ZDHHC14: variants seen among roughly 807,000 people sequenced by gnomAD.
The protein encoded by ZDHHC14 is palmitoyltransferase ZDHHC14.
In ZDHHC14, 16 loss-of-function variants were observed where a neutral mutation model predicts 47.7. The ratio of observed to expected loss-of-function variants is 0.34; its 90% CI spans 0.23 to 0.51. The LOEUF is 0.51. Among genes scored for constraint, ZDHHC14 ranks in the 20% least tolerant of loss-of-function variants. The pLI, the probability that ZDHHC14 is intolerant of heterozygous loss-of-function variation, is 0.97. For synonymous variants in ZDHHC14, 293 were observed against 278.9 expected, an observed-to-expected ratio of 1.05 and a Z score of -0.50; for missense variants, 515 against 662.5, an observed-to-expected ratio of 0.78 and a Z score of 2.44.
At chr6:157,383,404 C>T (rs1184945748) in intron 1 of ZDHHC14, among the ~76,000 whole-genome samples, 1 of 152,126 alleles carries the variant, frequency 6.6e-6, no homozygotes, top group East Asian at 1.9e-4. Flanking sequence ...TGGGTAGGCT[C>T]AATTAAAACC....
rs559756851 is a variant in ZDHHC14, at chr6:157,672,607, G to C, written c.1069-117G>C. 12 of 1,141,074 alleles carry C rather than the reference G, an allele frequency of 1.1e-5. No homozygotes were observed. The Admixed American group carries it at 3.2e-4, about 30-fold the overall frequency. The allele number at this position is 1,141,074 out of a possible 1,614,324, so 70.7% of individuals were successfully genotyped here. ...CCTGGCTGACTGAGGTGTCACTAACGGTTTCTCTCTTCTCGCACCCCACCC... is the reference window on the plus strand; with the variant it reads ...CCTGGCTGACTGAGGTGTCACTAACCGTTTCTCTCTTCTCGCACCCCACCC... On this transcript the variant is annotated intron_variant, in intron 8 of 8. Coordinates refer to ENST00000359775, the MANE Select transcript of ZDHHC14 (RefSeq NM_024630.3).
chr6:157,650,649 AAAAG>A (rs759961516), intron 7 of ZDHHC14, among the ~76,000 whole-genome samples: 22 of 128,656 alleles, frequency 1.7e-4, no homozygotes, highest in African/African-American at 2.6e-4. Flanking sequence ...CATTAAAAAA[AAAAG>A]AGAGAGAGAG....
At position 157,536,964 on chromosome 6, in the gene ZDHHC14, G is replaced by A. The variant is rs1291802578; in HGVS notation, c.246-5621G>A. ...CTCCCAAGTAGCTGGGACTACAGGC[G>A]CCCGCCACTACGCCCGGCTAATTTT... is the stretch of plus-strand genomic sequence containing the variant. On this transcript the variant is annotated intron_variant, in intron 1 of 8. Transcript: ENST00000359775. Among the ~76,000 whole-genome samples the A allele has an allele frequency of 2.8e-5, 3 of 105,938 alleles. 1 individual carries two copies. The highest frequency in any genetic ancestry group is 5.9e-5 in the Non-Finnish European group (3 of 50,546). The allele number at this position is 105,938 out of a possible 152,430, so 69.5% of individuals were successfully genotyped here.
rs534894797 is a variant in ZDHHC14 at position 157,674,842 on chromosome 6, T to C, written c.*1720T>C. On this transcript the variant is annotated 3_prime_UTR_variant, in exon 9 of 9. Transcript: ENST00000359775. ...TGTGATGTCTTCGAGCCATCTTTAT[T>C]GTCATGCTGCATGCACGTATAGAAA... is the stretch of plus-strand genomic sequence containing the variant. 2.6e-5 allele frequency: 4 copies of C among 152,370 alleles called. No homozygotes were observed. In the East Asian group the frequency reaches 7.7e-4, roughly 29 times the overall value. The allele number at this position is 152,370 out of a possible 1,614,324, so 9.4% of individuals were successfully genotyped here.
At chr6:157,568,007 T>G (rs1026838035) in intron 2 of ZDHHC14, among the ~76,000 whole-genome samples, 1 of 152,050 alleles carries the variant, frequency 6.6e-6, no homozygotes, top group Non-Finnish European at 1.5e-5. Context: ...AGCTTCAGAG[T>G]GAAGTAAGAA....
intron 3 of ZDHHC14, among the ~76,000 whole-genome samples, chr6:157,614,778 GT>G (rs1188906760): frequency 3.6e-5 from 5 of 137,872 alleles, no homozygotes; most frequent in South Asian, 2.3e-4. Flanking sequence ...TTTTTTTTTT[GT>G]TTTTTTTTTG....
intron 2 of ZDHHC14, among the ~76,000 whole-genome samples, chr6:157,585,572 T>C (rs766268013): frequency 9.2e-5 from 14 of 152,200 alleles, no homozygotes; most frequent in Non-Finnish European, 2.1e-4. Flanking sequence ...GCTAGAACAC[T>C]GAAGAAAAAG....
rs888474392 is a variant in ZDHHC14 at position 157,417,149 on chromosome 6, A to G, written c.245+34883A>G. ...GGCTCATTGTTAGCAATTTTATGGCATCCTTCCAGAATTGTATCTATGTGG... is the reference window on the plus strand; with the variant it reads ...GGCTCATTGTTAGCAATTTTATGGCGTCCTTCCAGAATTGTATCTATGTGG... On this transcript the variant is annotated intron_variant, in intron 1 of 8. Coordinates refer to ENST00000359775, the MANE Select transcript of ZDHHC14 (RefSeq NM_024630.3). Among the ~76,000 whole-genome samples, 6 of 152,000 alleles carry G rather than the reference A, an allele frequency of 3.9e-5. No homozygotes were observed. In the South Asian group the frequency reaches 1.0e-3, roughly 26 times the overall value.
chr6:157,557,045 C>A (rs934690372), intron 2 of ZDHHC14, among the ~76,000 whole-genome samples: 1 of 152,222 alleles, frequency 6.6e-6, no homozygotes, highest in African/African-American at 2.4e-5. Context: ...AGAGCCTGGA[C>A]CAGACCATGC....
At chr6:157,467,250 C>G (rs1163458394) in intron 1 of ZDHHC14, among the ~76,000 whole-genome samples, 2 of 152,152 alleles carry the variant, frequency 1.3e-5, no homozygotes, top group Admixed American at 6.5e-5. Flanking sequence ...ACAACTATCA[C>G]TCTTCTCTAG....
At chr6:157,535,566 C>T (rs1469777176) in intron 1 of ZDHHC14, among the ~76,000 whole-genome samples, 1 of 152,172 alleles carries the variant, frequency 6.6e-6, no homozygotes, top group Non-Finnish European at 1.5e-5. Flanking sequence ...GCTTGCTTTG[C>T]TCATATTTTC....
chr6:157,631,074 A>T (rs1422742443), intron 4 of ZDHHC14: 1 of 151,798 alleles, frequency 6.6e-6, no homozygotes, highest in Non-Finnish European at 1.5e-5. Flanking sequence ...ACCCACACTC[A>T]CACTCTAGCT....
chr6:157,463,690 G>A lies in ZDHHC14; in HGVS notation c.246-78895G>A, dbSNP rs76009709. ...GCTAAGCAGATGGTGCTGGCACTTCGTCCCAATGTCTCCCCGCTTTACCTT... is the reference window on the plus strand; with the variant it reads ...GCTAAGCAGATGGTGCTGGCACTTCATCCCAATGTCTCCCCGCTTTACCTT... On this transcript the variant is annotated intron_variant, in intron 1 of 8. Coordinates refer to ENST00000359775, the MANE Select transcript of ZDHHC14 (RefSeq NM_024630.3). This position sits in a 1 kb window ranked among gnomAD's most constrained non-coding sequence, Gnocchi z 4.4. Among the ~76,000 whole-genome samples the A allele has an allele frequency of 2.6e-5, 4 of 152,266 alleles. No homozygotes were observed. The highest frequency in any genetic ancestry group is 7.2e-5 in the African/African-American group (3 of 41,552).
intron 1 of ZDHHC14, among the ~76,000 whole-genome samples, chr6:157,473,340 A>T (rs1779398485): frequency 6.6e-6 from 1 of 152,238 alleles, no homozygotes; most frequent in African/African-American, 2.4e-5. Context: ...AATCCTTGGT[A>T]ACCACCATTC....
rs1781588704 is a variant in ZDHHC14 at position 157,537,600 on chromosome 6, T to G, written c.246-4985T>G. Among the ~76,000 whole-genome samples, 3 of 152,240 alleles carry G rather than the reference T, an allele frequency of 2.0e-5. No individual in the cohort carries two copies. The South Asian group carries it at 6.2e-4, about 32-fold the overall frequency. On this transcript the variant is annotated intron_variant, in intron 1 of 8. Transcript: ENST00000359775. ...AAGACTAAGATGCCTGTAGCCTGTTTGCTACACTGCCCTGAGTTGTATGTA... is the reference window on the plus strand; with the variant it reads ...AAGACTAAGATGCCTGTAGCCTGTTGGCTACACTGCCCTGAGTTGTATGTA...
chr6:157,487,539 A>C (rs1005531414), intron 1 of ZDHHC14, among the ~76,000 whole-genome samples: 2 of 152,202 alleles, frequency 1.3e-5, no homozygotes, highest in African/African-American at 4.8e-5. Flanking sequence ...CCTCTTAAGT[A>C]GAAATGATTA....
chr6:157,595,174 A>ATTTTTTTTTTTTT lies in ZDHHC14; in HGVS notation c.565+2052_565+2064dup, dbSNP rs777568494. Among the ~76,000 whole-genome samples the ATTTTTTTTTTTTT allele has an allele frequency of 1.1e-4, 7 of 62,700 alleles. 1 individual carries two copies. Among genetic ancestry groups the ATTTTTTTTTTTTT allele is most frequent in the African/African-American group, 4.4e-4 (6 of 13,514 alleles). The allele number at this position is 62,700 out of a possible 152,430, so 41.1% of individuals were successfully genotyped here. ...CCTCTGTTTCTTGTCTCTAGGCTAG[A>ATTTTTTTTTTTTT]TTTTTTTTTTTTTTTTTTTTTTTTT... is the stretch of plus-strand genomic sequence containing the variant. On this transcript the variant is annotated intron_variant, in intron 3 of 8. Transcript: ENST00000359775.
chr6:157,408,377 G>A (rs1462577579), intron 1 of ZDHHC14, among the ~76,000 whole-genome samples: 5 of 152,020 alleles, frequency 3.3e-5, no homozygotes, highest in Non-Finnish European at 7.4e-5. Flanking sequence ...GTGCCGTGGT[G>A]GTTTGCTGGA....
At chr6:157,479,061 C>G (rs1779556392) in intron 1 of ZDHHC14, among the ~76,000 whole-genome samples, 1 of 152,198 alleles carries the variant, frequency 6.6e-6, no homozygotes, top group African/African-American at 2.4e-5. Context: ...GTAATCCTCA[C>G]TATCACCCAC....
Sources: allele counts gnomAD v4.1 joint callset (sites outside exome capture counted in the v4.1 genomes callset), GRCh38; gene constraint gnomAD v4.1.1; non-coding constraint Gnocchi (gnomAD v3.1); transcripts MANE v1.5; gene names NCBI Gene and HGNC (gene_info 2026-07-23, HGNC 2026-07-21).